SHISA6: variants seen among roughly 807,000 people sequenced by gnomAD.
The protein encoded by SHISA6 is protein shisa-6.
Under a neutral mutation model 47.9 loss-of-function variants are expected in SHISA6, and 22 were observed. The ratio of observed to expected loss-of-function variants is 0.46; its 90% CI spans 0.33 to 0.66. The LOEUF (loss-of-function observed/expected upper bound fraction) is 0.66, where lower values mean the gene tolerates loss of function less well. SHISA6 is among the 30% of genes least tolerant of loss of function. SHISA6 has a pLI of 0.02. For synonymous variants in SHISA6, 388 were observed against 337.8 expected (o/e 1.15, Z -1.63); for missense variants, 680 against 764.6 (o/e 0.89, Z 1.30).
At chr17:11,269,871 C>G (rs927686336) in intron 2 of SHISA6, among the ~76,000 whole-genome samples, 6 of 152,150 alleles carry the variant, frequency 3.9e-5, no homozygotes, top group Non-Finnish European at 5.9e-5. Flanking sequence ...GACACAAAAG[C>G]GAGACAATTT....
chr17:11,475,186 G>C (rs981725894), intron 3 of SHISA6, among the ~76,000 whole-genome samples: 1 of 152,012 alleles, frequency 6.6e-6, no homozygotes, highest in Non-Finnish European at 1.5e-5. Flanking sequence ...TTTTGTTGTT[G>C]AATCTTCTCA....
chr17:11,538,270 G>A (rs1279120320), intron 3 of SHISA6, among the ~76,000 whole-genome samples: 1 of 152,104 alleles, frequency 6.6e-6, no homozygotes, highest in Non-Finnish European at 1.5e-5. Flanking sequence ...CACCATGTTG[G>A]CCAGGCTGGT....
chr17:11,557,064 T>C (rs2071987934), intron 5 of SHISA6, among the ~76,000 whole-genome samples: 1 of 152,178 alleles, frequency 6.6e-6, no homozygotes. Flanking sequence ...GCTTGCGTTA[T>C]GGGCACAGGT....
chr17:11,540,705 T>TAA (rs2071826214), intron 3 of SHISA6, among the ~76,000 whole-genome samples: 1 of 152,232 alleles, frequency 6.6e-6, no homozygotes, highest in Admixed American at 6.5e-5. Flanking sequence ...ATGGGTTATT[T>TAA]ATGGTTGGAC....
intron 3 of SHISA6, among the ~76,000 whole-genome samples, chr17:11,537,250 G>T (rs2071795548): frequency 1.3e-5 from 2 of 152,118 alleles, no homozygotes; most frequent in Admixed American, 1.3e-4. Context: ...GGCTTCTGGG[G>T]TAAAGGGACA....
At chr17:11,482,301 A>G (rs1220950261) in intron 3 of SHISA6, among the ~76,000 whole-genome samples, 1 of 152,240 alleles carries the variant, frequency 6.6e-6, no homozygotes, top group East Asian at 1.9e-4. Flanking sequence ...AAAAGAAAAT[A>G]AAGTTATCTA....
chr17:11,503,477 T>C (rs1161501379), intron 3 of SHISA6, among the ~76,000 whole-genome samples: 1 of 152,154 alleles, frequency 6.6e-6, no homozygotes, highest in African/African-American at 2.4e-5. Context: ...TTGATGTCAC[T>C]AAGATTCTTG....
chr17:11,438,193 T>A (rs933622744), intron 3 of SHISA6, among the ~76,000 whole-genome samples: 8 of 152,222 alleles, frequency 5.3e-5, no homozygotes, highest in African/African-American at 1.9e-4. Context: ...ATTTCATGAC[T>A]TGTTTTGACC....
rs1218630471 is a variant in SHISA6 at position 11,525,645 on chromosome 17, AAAAAAAC to A, written c.896-26244_896-26238del. 6.7e-4 allele frequency among the ~76,000 whole-genome samples: 61 copies of A among 91,700 alleles called. 2 individuals carry two copies. Among genetic ancestry groups the A allele is most frequent in the Non-Finnish European group, 8.2e-4 (39 of 47,604 alleles). The allele number at this position is 91,700 out of a possible 152,430, so 60.2% of individuals were successfully genotyped here. ...AGACTCCGTCTCAAAAAAAAAAAAA[AAAAAAAC>A]AAAAAAAAAAAAACGTGTTATAATA... On this transcript the variant is annotated intron_variant, in intron 3 of 5. Coordinates refer to ENST00000441885, the MANE Select transcript of SHISA6 (RefSeq NM_207386.4).
At chr17:11,433,897 A>G (rs1420992454) in intron 3 of SHISA6, among the ~76,000 whole-genome samples, 1 of 152,162 alleles carries the variant, frequency 6.6e-6, no homozygotes, top group Non-Finnish European at 1.5e-5. Flanking sequence ...ACTGCATCAA[A>G]GGAAAAATAG....
chr17:11,444,383 C>T (rs1178524370), intron 3 of SHISA6, among the ~76,000 whole-genome samples: 1 of 151,990 alleles, frequency 6.6e-6, no homozygotes, highest in Non-Finnish European at 1.5e-5. Flanking sequence ...TGTGCTGTTA[C>T]CATATTTTAT....
intron 2 of SHISA6, among the ~76,000 whole-genome samples, chr17:11,308,036 G>T (rs112015311): frequency 6.6e-6 from 1 of 152,166 alleles, no homozygotes. Context: ...TGTCCTGATG[G>T]TCTGACTTTG....
intron 2 of SHISA6, among the ~76,000 whole-genome samples, chr17:11,275,747 T>G (rs1431862137): frequency 6.6e-6 from 1 of 152,086 alleles, no homozygotes; most frequent in East Asian, 1.9e-4. Context: ...AGTGAAATCC[T>G]GCTTGGTATG....
chr17:11,467,957 G>A (rs1915851238), intron 3 of SHISA6, among the ~76,000 whole-genome samples: 1 of 152,114 alleles, frequency 6.6e-6, no homozygotes, highest in Admixed American at 6.5e-5. Flanking sequence ...GATATTAGTG[G>A]TTGGTTTATT....
chr17:11,384,682 C>G (rs1390919643), intron 3 of SHISA6, among the ~76,000 whole-genome samples: 1 of 152,130 alleles, frequency 6.6e-6, no homozygotes, highest in Non-Finnish European at 1.5e-5. Context: ...CAGATGTGCT[C>G]CCTGCAGCTG....
At chr17:11,283,847 A>G (rs918533704) in intron 2 of SHISA6, among the ~76,000 whole-genome samples, 1 of 152,202 alleles carries the variant, frequency 6.6e-6, no homozygotes, top group East Asian at 1.9e-4. Context: ...TATTGCTTCT[A>G]TTGCTATTAA....
intron 1 of SHISA6, among the ~76,000 whole-genome samples, chr17:11,246,061 C>T (rs1907573126): frequency 1.3e-5 from 2 of 152,070 alleles, no homozygotes; most frequent in Non-Finnish European, 1.5e-5. Flanking sequence ...ACTGTGAGCT[C>T]ACTATAATGA....
intron 3 of SHISA6, among the ~76,000 whole-genome samples, chr17:11,531,742 G>A (rs1463459449): frequency 6.6e-6 from 1 of 152,146 alleles, no homozygotes; most frequent in Non-Finnish European, 1.5e-5. Flanking sequence ...GCCTTAGACG[G>A]GAGGAATAAG....
chr17:11,414,170 T>C (rs959348124), intron 3 of SHISA6, among the ~76,000 whole-genome samples: 2 of 151,756 alleles, frequency 1.3e-5, no homozygotes, highest in African/African-American at 2.4e-5. Context: ...TACTCCTCCT[T>C]CTCCTCCTGC....
Sources: gnomAD v4.1 joint callset for allele counts (sites outside exome capture counted in the v4.1 genomes callset) on GRCh38, gnomAD v4.1.1 for gene constraint, MANE v1.5 for transcripts, NCBI Gene and HGNC (gene_info 2026-07-23, HGNC 2026-07-21) for gene names.